Variants in STEAP1B observed in about 807,000 individuals in gnomAD.
The protein encoded by STEAP1B is STEAP family member 1B, also known as STEAP family protein MGC87042.
A neutral mutation model predicts 27.9 loss-of-function variants in STEAP1B; 13 were observed. That is an observed-to-expected ratio of 0.47 (90% CI 0.30 to 0.74). The LOEUF (loss-of-function observed/expected upper bound fraction) is 0.74. Among genes scored for constraint, STEAP1B ranks in the 30% least tolerant of loss-of-function variants. The pLI, the probability that STEAP1B is intolerant of heterozygous loss-of-function variation, is 0.06. For synonymous variants in STEAP1B, 86 were observed against 107.1 expected (o/e 0.80, Z 1.22); for missense variants, 250 against 298.7 (o/e 0.84, Z 1.20).
At chr7:22,437,191 T>C (rs1319874885) in intron 4 of STEAP1B, among the ~76,000 whole-genome samples, 1 of 152,234 alleles carries the variant, frequency 6.6e-6, no homozygotes, top group East Asian at 1.9e-4. Context: ...GGCACTGTGC[T>C]GTACAAATCC....
At chr7:22,437,799 T>C (rs1785273174) in intron 4 of STEAP1B, among the ~76,000 whole-genome samples, 1 of 152,222 alleles carries the variant, frequency 6.6e-6, no homozygotes, top group African/African-American at 2.4e-5. Context: ...CCATCCTAAC[T>C]AGCATGAGGT....
At chr7:22,450,718 A>G (rs1785473837) in intron 4 of STEAP1B, among the ~76,000 whole-genome samples, 1 of 152,090 alleles carries the variant, frequency 6.6e-6, no homozygotes, top group African/African-American at 2.4e-5. Flanking sequence ...GATTAAATTA[A>G]ATCTGTACAC....
chr7:22,432,031 G>A (rs989915788), intron 4 of STEAP1B, among the ~76,000 whole-genome samples: 2 of 152,186 alleles, frequency 1.3e-5, no homozygotes, highest in Non-Finnish European at 2.9e-5. Context: ...ATGGTATTAG[G>A]AGAGGGAGCC....
At chr7:22,443,616 T>G (rs1038545861) in intron 4 of STEAP1B, among the ~76,000 whole-genome samples, 1 of 152,140 alleles carries the variant, frequency 6.6e-6, no homozygotes, top group East Asian at 1.9e-4. Flanking sequence ...AAACATAACT[T>G]CCGCCACTGC....
chr7:22,489,101 C>T (rs190180660), intron 4 of STEAP1B, among the ~76,000 whole-genome samples: 244 of 152,050 alleles, frequency 1.6e-3, no homozygotes, highest in Non-Finnish European at 3.1e-3. Flanking sequence ...AAACCAGAAA[C>T]CCGAGTTCTC....
chr7:22,483,806 TGGTC>T (rs1246540191), intron 4 of STEAP1B, among the ~76,000 whole-genome samples: 1 of 152,210 alleles, frequency 6.6e-6, no homozygotes, highest in Non-Finnish European at 1.5e-5. Flanking sequence ...ACGAAATGGC[TGGTC>T]GGTGGAGCAG....
intron 4 of STEAP1B, among the ~76,000 whole-genome samples, chr7:22,462,273 CA>C (rs1342969894): frequency 3.3e-5 from 5 of 150,928 alleles, no homozygotes; most frequent in African/African-American, 1.2e-4. Flanking sequence ...GGTACATGTG[CA>C]CAATGTGCAG....
At chr7:22,430,844 T>C (rs913961676) in intron 4 of STEAP1B, among the ~76,000 whole-genome samples, 2 of 152,242 alleles carry the variant, frequency 1.3e-5, no homozygotes, top group East Asian at 3.8e-4. Context: ...CATTTGCTCA[T>C]GACCTGCATT....
At chr7:22,487,765 A>C (rs1183933752) in intron 4 of STEAP1B, among the ~76,000 whole-genome samples, 1 of 146,888 alleles carries the variant, frequency 6.8e-6, no homozygotes, top group Admixed American at 7.2e-5. Context: ...AGATCGCACC[A>C]TTGCACTCCA....
intron 1 of STEAP1B, among the ~76,000 whole-genome samples, chr7:22,496,986 T>C (rs1432470259): frequency 6.6e-6 from 1 of 152,240 alleles, no homozygotes; most frequent in African/African-American, 2.4e-5. Context: ...AAGATATCTG[T>C]TGTTTTAGTT....
intron 4 of STEAP1B, among the ~76,000 whole-genome samples, chr7:22,473,231 A>C (rs1785915409): frequency 6.6e-6 from 1 of 152,222 alleles, no homozygotes; most frequent in South Asian, 2.1e-4. Context: ...AACTCACACC[A>C]GCCCTTGGAA....
rs116346918 is a variant in STEAP1B, at chr7:22,482,638, G to C, written c.762+9927C>G. Among the ~76,000 whole-genome samples, 234 of 152,300 alleles carry C rather than the reference G, an allele frequency of 1.5e-3. 1 individual carries two copies. Among genetic ancestry groups the C allele is most frequent in the African/African-American group, 5.0e-3 (207 of 41,580 alleles). On this transcript the variant is annotated intron_variant, in intron 4 of 4. Coordinates refer to ENST00000678116, the MANE Select transcript of STEAP1B (RefSeq NM_001382447.1). ...GCCAATCTGCCCCCCAGGCACATAG[G>C]GGGAGGCAGATGCTGTTCATGGGCA...
chr7:22,474,095 C>T (rs1785932718), intron 4 of STEAP1B, among the ~76,000 whole-genome samples: 1 of 152,172 alleles, frequency 6.6e-6, no homozygotes, highest in South Asian at 2.1e-4. Context: ...ACTTATATGC[C>T]TGGCAGTGTC....
At chr7:22,482,720 C>G (rs994984991) in intron 4 of STEAP1B, among the ~76,000 whole-genome samples, 2 of 152,194 alleles carry the variant, frequency 1.3e-5, no homozygotes, top group Non-Finnish European at 2.9e-5. Flanking sequence ...ATGAGAGCAG[C>G]TGGAAGCTGC....
At chr7:22,454,019 T>C (rs2128405394) in intron 4 of STEAP1B, among the ~76,000 whole-genome samples, 1 of 152,364 alleles carries the variant, frequency 6.6e-6, no homozygotes, top group South Asian at 2.1e-4. Context: ...GACATGTCTT[T>C]TGGTGGACAC....
At chr7:22,465,209 T>C (rs1236365151) in intron 4 of STEAP1B, among the ~76,000 whole-genome samples, 1 of 151,644 alleles carries the variant, frequency 6.6e-6, no homozygotes. Flanking sequence ...AGCCGGATGG[T>C]GTGAGATTTC....
intron 4 of STEAP1B, among the ~76,000 whole-genome samples, chr7:22,439,813 G>A (rs1386578426): frequency 6.6e-6 from 1 of 152,062 alleles, no homozygotes; most frequent in East Asian, 1.9e-4. Context: ...TGAAATTCTT[G>A]TGGCAGAGCT....
intron 4 of STEAP1B, among the ~76,000 whole-genome samples, chr7:22,440,296 T>C (rs1785313188): frequency 6.6e-6 from 1 of 152,230 alleles, no homozygotes; most frequent in African/African-American, 2.4e-5. Flanking sequence ...GATCAATTTC[T>C]ATTCTGTACT....
intron 4 of STEAP1B, among the ~76,000 whole-genome samples, chr7:22,421,976 C>T (rs1032122857): frequency 3.3e-5 from 5 of 152,216 alleles, no homozygotes; most frequent in Non-Finnish European, 2.9e-5. Context: ...TGAAATTAAA[C>T]GTCACTATCA....
Sources: gnomAD v4.1 joint callset for allele counts (sites outside exome capture counted in the v4.1 genomes callset) on GRCh38, gnomAD v4.1.1 for gene constraint, MANE v1.5 for transcripts, NCBI Gene and HGNC (gene_info 2026-07-23, HGNC 2026-07-21) for gene names.